The following CTNND2 variants were observed in gnomAD, a reference collection of about 807,000 sequenced individuals.
CTNND2 encodes the protein catenin delta 2.
CTNND2 carries 22 observed loss-of-function variants against 144.4 expected under a neutral mutation model. The observed-to-expected ratio is 0.15, with a 90% CI of 0.11 to 0.22. The LOEUF is 0.22. Ranked by LOEUF, CTNND2 falls within the 10% of genes least tolerant of loss-of-function variation. The pLI, the probability that CTNND2 is intolerant of heterozygous loss-of-function variation, is 1.00. For missense variants in CTNND2, 1,353 were observed against 1,618.8 expected (o/e 0.84, Z 2.82); for synonymous variants, 751 against 695.6 (o/e 1.08, Z -1.25).
At position 10,981,586 on chromosome 5, in the gene CTNND2, A is replaced by AACAC. The variant is rs112742699; in HGVS notation, c.3417+183_3417+186dup. Among the ~76,000 whole-genome samples, 958 of 150,460 alleles carry AACAC rather than the reference A, an allele frequency of 6.4e-3. 8 individuals are homozygous for AACAC. Among genetic ancestry groups the AACAC allele is most frequent in the African/African-American group, 0.02 (832 of 41,102 alleles). ...CATTTGAGGCTGTTCTGCCGAGTCCAACACACACACACACACACACAGAGA... is the reference window on the plus strand; with the variant it reads ...CATTTGAGGCTGTTCTGCCGAGTCCAACACACACACACACACACACACACAGAGA... On this transcript the variant is annotated intron_variant, in intron 21 of 21. Transcript: ENST00000304623.
At chr5:11,879,491 T>C (rs981364171) in intron 1 of CTNND2, among the ~76,000 whole-genome samples, 8 of 151,682 alleles carry the variant, frequency 5.3e-5, no homozygotes, top group Admixed American at 1.3e-4. Context: ...TTAGTTTCCA[T>C]GGAAATCTCA....
At chr5:11,501,427 C>A (rs1446209470) in intron 3 of CTNND2, among the ~76,000 whole-genome samples, 3 of 152,208 alleles carry the variant, frequency 2.0e-5, no homozygotes, top group Admixed American at 2.0e-4. Flanking sequence ...GAAGTGACTA[C>A]TGGGTCTCTC....
At chr5:11,857,693 T>A (rs542190630) in intron 1 of CTNND2, among the ~76,000 whole-genome samples, 1 of 152,322 alleles carries the variant, frequency 6.6e-6, no homozygotes, top group African/African-American at 2.4e-5. Context: ...AAATTTGAGC[T>A]GAGCTACAAA....
intron 3 of CTNND2, among the ~76,000 whole-genome samples, chr5:11,526,756 C>G (rs1035730893): frequency 6.6e-6 from 1 of 152,138 alleles, no homozygotes; most frequent in African/African-American, 2.4e-5. Context: ...CTCCTAGGTA[C>G]ACACCCAGGA....
chr5:11,003,997 C>G (rs1158813776), intron 18 of CTNND2, among the ~76,000 whole-genome samples: 1 of 152,122 alleles, frequency 6.6e-6, no homozygotes, highest in Non-Finnish European at 1.5e-5. Context: ...TTTACTGCTA[C>G]TGGGCTAATT....
chr5:11,615,146 G>C (rs1780520434), intron 2 of CTNND2, among the ~76,000 whole-genome samples: 1 of 152,080 alleles, frequency 6.6e-6, no homozygotes, highest in African/African-American at 2.4e-5. Context: ...CATTTATTAG[G>C]TTGGTGCAAA....
chr5:11,562,225 G>A (rs749288931), intron 3 of CTNND2, among the ~76,000 whole-genome samples: 2 of 152,000 alleles, frequency 1.3e-5, no homozygotes, highest in Non-Finnish European at 2.9e-5. Context: ...TTACTCACTC[G>A]CTAGTATCAT....
intron 3 of CTNND2, among the ~76,000 whole-genome samples, chr5:11,481,962 A>T (rs118159765): frequency 6.6e-6 from 1 of 152,138 alleles, no homozygotes; most frequent in Non-Finnish European, 1.5e-5. Flanking sequence ...CCTTTGCACA[A>T]TCTTTTGCAA....
intron 2 of CTNND2, among the ~76,000 whole-genome samples, chr5:11,682,509 G>C (rs1207993423): frequency 6.6e-6 from 1 of 152,196 alleles, no homozygotes; most frequent in African/African-American, 2.4e-5. Context: ...ATGTATACTG[G>C]AAGGATATTT....
At chr5:11,451,053 T>C (rs1437786144) in intron 3 of CTNND2, among the ~76,000 whole-genome samples, 2 of 151,786 alleles carry the variant, frequency 1.3e-5, no homozygotes, top group Non-Finnish European at 1.5e-5. Flanking sequence ...AATCATAACA[T>C]GCAAATGTAG....
chr5:11,431,646 G>A (rs1205553631), intron 3 of CTNND2, among the ~76,000 whole-genome samples: 1 of 152,112 alleles, frequency 6.6e-6, no homozygotes, highest in East Asian at 1.9e-4. Flanking sequence ...GTGGAGAGAG[G>A]GGCCACATAG....
intron 3 of CTNND2, among the ~76,000 whole-genome samples, chr5:11,542,207 C>A (rs937956735): frequency 1.1e-4 from 16 of 152,108 alleles, no homozygotes; most frequent in African/African-American, 3.9e-4. Flanking sequence ...CGGATCCCTG[C>A]ATCATGCTGC....
intron 3 of CTNND2, among the ~76,000 whole-genome samples, chr5:11,490,096 G>T (rs1359812434): frequency 6.6e-6 from 1 of 152,148 alleles, no homozygotes; most frequent in Non-Finnish European, 1.5e-5. Flanking sequence ...TCTCCTGAGG[G>T]TCTAACTTTC....
At chr5:11,281,815 C>T (rs1019880036) in intron 9 of CTNND2, among the ~76,000 whole-genome samples, 3 of 152,176 alleles carry the variant, frequency 2.0e-5, no homozygotes, top group African/African-American at 4.8e-5. Flanking sequence ...ATTTTCACTG[C>T]CTCATCTTAA....
At chr5:11,745,581 T>C (rs1489886297) in intron 1 of CTNND2, among the ~76,000 whole-genome samples, 1 of 152,170 alleles carries the variant, frequency 6.6e-6, no homozygotes, top group African/African-American at 2.4e-5. Context: ...ACTATACATT[T>C]GTAATAAGCC....
intron 3 of CTNND2, among the ~76,000 whole-genome samples, chr5:11,523,357 A>C (rs1030509767): frequency 3.9e-5 from 6 of 152,194 alleles, no homozygotes; most frequent in African/African-American, 1.2e-4. Flanking sequence ...ACAAAAACAC[A>C]AATGTAACAT....
chr5:11,832,573 G>C (rs1255055015), intron 1 of CTNND2, among the ~76,000 whole-genome samples: 1 of 152,136 alleles, frequency 6.6e-6, no homozygotes, highest in Non-Finnish European at 1.5e-5. Flanking sequence ...AACATCAATG[G>C]CTGTTTGGGA....
chr5:11,385,873 A>AT (rs1472755844), intron 6 of CTNND2: 4 of 151,738 alleles, frequency 2.6e-5, no homozygotes, highest in Non-Finnish European at 5.9e-5. Flanking sequence ...CATTAAAAAA[A>AT]AATCTAGAGG....
At chr5:11,115,812 T>C (rs1753482016) in intron 13 of CTNND2, among the ~76,000 whole-genome samples, 2 of 152,214 alleles carry the variant, frequency 1.3e-5, no homozygotes, top group Admixed American at 1.3e-4. Flanking sequence ...TACCTTGCAT[T>C]CAGATCTCTG....
Sources: allele counts gnomAD v4.1 joint callset (sites outside exome capture counted in the v4.1 genomes callset), GRCh38; gene constraint gnomAD v4.1.1; transcripts MANE v1.5; gene names NCBI Gene and HGNC (gene_info 2026-07-23, HGNC 2026-07-21).